Variants in PLAGL1 observed in about 807,000 individuals in gnomAD.
PLAGL1 encodes the protein zinc finger protein PLAGL1.
PLAGL1 carries 1 observed loss-of-function variant against 4.6 expected under a neutral mutation model. That is an observed-to-expected ratio of 0.22 (90% CI 0.08 to 1.03). The LOEUF (loss-of-function observed/expected upper bound fraction) is 1.03, where lower values mean the gene tolerates loss of function less well. PLAGL1 is among the 50% of genes least tolerant of loss of function. The pLI, the probability that PLAGL1 is intolerant of heterozygous loss-of-function variation, is 0.58. For synonymous variants in PLAGL1, 240 were observed against 237.8 expected (o/e 1.01, Z -0.08); for missense variants, 464 against 570.4 (o/e 0.81, Z 1.90).
intron 2 of PLAGL1, among the ~76,000 whole-genome samples, chr6:143,974,116 A>T (rs947769695): frequency 9.9e-5 from 15 of 152,236 alleles, no homozygotes; most frequent in Non-Finnish European, 4.4e-5. Flanking sequence ...TACACGGAAC[A>T]AATATAACTA....
At chr6:144,019,988 T>C (rs563156273) in intron 1 of PLAGL1, among the ~76,000 whole-genome samples, 4 of 152,284 alleles carry the variant, frequency 2.6e-5, no homozygotes, top group Admixed American at 2.6e-4. Context: ...ATTGAAATCA[T>C]AATCCCCAAT....
chr6:144,010,685 C>T (rs1310644071), upstream of PLAGL1, among the ~76,000 whole-genome samples: 1 of 152,190 alleles, frequency 6.6e-6, no homozygotes, highest in African/African-American at 2.4e-5. This position sits in a 1 kb window ranked among gnomAD's most constrained non-coding sequence, Gnocchi z 4.1. Flanking sequence ...GGAGGCATTA[C>T]ACTACCTGAC....
In PLAGL1 at chr6:143,979,414, A is replaced by G. The variant is rs1184663438; in HGVS notation, c.-544+5721T>C. 6.6e-6 allele frequency among the ~76,000 whole-genome samples: 1 copy of G among 152,010 alleles called. No homozygotes were observed. The highest frequency in any genetic ancestry group is 1.5e-5 in the Non-Finnish European group (1 of 67,920). On this transcript the variant is annotated intron_variant, in intron 2 of 7. Coordinates refer to ENST00000674357, the MANE Select transcript of PLAGL1 (RefSeq NM_001317162.2). The surrounding 1 kb of genome is among the most constrained non-coding windows in gnomAD (Gnocchi z 4.6). The stretch of plus-strand genomic sequence containing the variant: ...TGTTATTTGTTGTCTAATTGCCTCA[A>G]TTATTCTTTGTTCCTTTTCTTTCTT...
At chr6:144,035,642 A>T (rs373866902) in intron 1 of PLAGL1, among the ~76,000 whole-genome samples, 9 of 152,240 alleles carry the variant, frequency 5.9e-5, no homozygotes, top group African/African-American at 1.9e-4. Flanking sequence ...TCAAGTTGAC[A>T]TTCAATATTA....
intron 1 of PLAGL1, among the ~76,000 whole-genome samples, chr6:144,023,867 C>T (rs1796151125): frequency 6.8e-6 from 1 of 147,572 alleles, no homozygotes; most frequent in Admixed American, 6.9e-5. Context: ...ACCTCCGCCT[C>T]CCAGGCTCAA....
At position 144,056,960 on chromosome 6, in the gene PLAGL1, A is replaced by G. The variant is rs966754034; in HGVS notation, c.-151+7508T>C. 3.9e-5 allele frequency among the ~76,000 whole-genome samples: 6 copies of G among 152,108 alleles called. No individual in the cohort carries two copies. Among genetic ancestry groups the G allele is most frequent in the African/African-American group, 1.4e-4 (6 of 41,404 alleles). Reference sequence around the variant, plus strand: ...CTATGCCTGACTCTCATTTCTTTTTAGTGCTAAATAATGTCCCATTGGCTG... The same window carrying G: ...CTATGCCTGACTCTCATTTCTTTTTGGTGCTAAATAATGTCCCATTGGCTG... On this transcript the variant is annotated intron_variant, in intron 1 of 3. Coordinates refer to the PLAGL1 transcript ENST00000437412. The surrounding 1 kb of genome is among the most constrained non-coding windows in gnomAD (Gnocchi z 4.7).
At chr6:144,051,732 C>T (rs1319913557) in intron 1 of PLAGL1, among the ~76,000 whole-genome samples, 1 of 152,202 alleles carries the variant, frequency 6.6e-6, no homozygotes, top group African/African-American at 2.4e-5. Flanking sequence ...CAAGTCATGT[C>T]TTACATGAAT....
chr6:144,043,431 A>C (rs1351970012), intron 1 of PLAGL1, among the ~76,000 whole-genome samples: 3 of 152,210 alleles, frequency 2.0e-5, no homozygotes, highest in Non-Finnish European at 4.4e-5. Context: ...TATTGAGATA[A>C]TCACATGGTT....
At chr6:143,967,721 G>A (rs910299864) in intron 3 of PLAGL1, 9 of 152,090 alleles carry the variant, frequency 5.9e-5, no homozygotes, top group East Asian at 1.9e-4. Flanking sequence ...CCTTCTGAAC[G>A]TGTTGGTGGG....
chr6:144,041,966 C>A (rs1797773238), intron 1 of PLAGL1, among the ~76,000 whole-genome samples: 1 of 152,180 alleles, frequency 6.6e-6, no homozygotes, highest in South Asian at 2.1e-4. Flanking sequence ...TGTCTGTTGG[C>A]TGCATAAATG....
Position 144,004,746 on chromosome 6 carries a change from A to G in PLAGL1, c.-584+3344T>C, listed in dbSNP as rs1187649530. Reference sequence around the variant, plus strand: ...GAACTAAAAAACATATGTAGAATTCAACATGGATAAAAAATATATTAAATA... The same window carrying G: ...GAACTAAAAAACATATGTAGAATTCGACATGGATAAAAAATATATTAAATA... On this transcript the variant is annotated intron_variant, in intron 1 of 7. Coordinates refer to ENST00000674357, the MANE Select transcript of PLAGL1 (RefSeq NM_001317162.2). This position sits in a 1 kb window ranked among gnomAD's most constrained non-coding sequence, Gnocchi z 4.2. Among the ~76,000 whole-genome samples, 1 of 152,124 alleles carries G rather than the reference A, an allele frequency of 6.6e-6. No individual in the cohort carries two copies. Among genetic ancestry groups the G allele is most frequent in the Admixed American group, 6.5e-5 (1 of 15,274 alleles).
In PLAGL1 at chr6:143,947,985, CTCA is replaced by C; in HGVS notation, c.149_151del (p.Met50del). ...GCATACCTTTGCCAAAGCCTCTCAC[CTCA>C]TCAATTTATATCTGGAAACAAAGGC... On this transcript the variant is annotated inframe_deletion and splice_region_variant, in exon 7 of 8. Transcript: ENST00000674357. The surrounding 1 kb of genome is among the most constrained non-coding windows in gnomAD (Gnocchi z 4.3). 6.2e-7 allele frequency: 1 copy of C among 1,613,572 alleles called. No homozygotes were observed. Among genetic ancestry groups the C allele is most frequent in the Non-Finnish European group, 8.5e-7 (1 of 1,179,534 alleles).
chr6:144,051,149 T>C (rs374142225), intron 1 of PLAGL1, among the ~76,000 whole-genome samples: 174 of 152,312 alleles, frequency 1.1e-3, no homozygotes, highest in African/African-American at 4.1e-3. Flanking sequence ...ATCACCTCAA[T>C]TACGTACTTT....
At position 144,015,880 on chromosome 6, in the gene PLAGL1, AT is replaced by A. The variant is rs548185400; in HGVS notation, c.-150-46903del. Among the ~76,000 whole-genome samples, 32 of 152,308 alleles carry A rather than the reference AT, an allele frequency of 2.1e-4. No homozygotes were observed. In the East Asian group the frequency reaches 6.2e-3, roughly 29 times the overall value. On this transcript the variant is annotated intron_variant, in intron 1 of 3. Transcript: ENST00000437412. This position sits in a 1 kb window ranked among gnomAD's most constrained non-coding sequence, Gnocchi z 4.3. ...TGACCCAGCAATCTCAGTCTTAGGT[AT>A]TTTATCCAAGAGAAATGATAACATG...
intron 1 of PLAGL1, among the ~76,000 whole-genome samples, chr6:144,033,352 GA>G (rs2128709963): frequency 6.6e-6 from 1 of 152,330 alleles, no homozygotes; most frequent in East Asian, 1.9e-4. Context: ...GGCAGCAATA[GA>G]AAACTAATAT....
Position 144,055,273 on chromosome 6 carries a change from C to CT in PLAGL1, c.-151+9194dup, listed in dbSNP as rs978466292. 1.8e-4 allele frequency among the ~76,000 whole-genome samples: 27 copies of CT among 152,132 alleles called. No individual in the cohort carries two copies. Among genetic ancestry groups the CT allele is most frequent in the African/African-American group, 6.5e-4 (27 of 41,414 alleles). Reference sequence around the variant, plus strand: ...AGCTTACCGAGTGCTTAGTTCAACACTTTCATTTTACATATAAGGAAGCAG... The same window carrying CT: ...AGCTTACCGAGTGCTTAGTTCAACACTTTTCATTTTACATATAAGGAAGCAG... On this transcript the variant is annotated intron_variant, in intron 1 of 3. Coordinates refer to the PLAGL1 transcript ENST00000437412. The surrounding 1 kb of genome is among the most constrained non-coding windows in gnomAD (Gnocchi z 5.0).
intron 1 of PLAGL1, among the ~76,000 whole-genome samples, chr6:144,035,355 A>T (rs914402339): frequency 1.3e-5 from 2 of 152,220 alleles, no homozygotes; most frequent in African/African-American, 4.8e-5. Flanking sequence ...CACTGGTGTA[A>T]GTCCAAGAGT....
chr6:144,017,583 T>C (rs1795652809), intron 1 of PLAGL1, among the ~76,000 whole-genome samples: 1 of 152,228 alleles, frequency 6.6e-6, no homozygotes, highest in Admixed American at 6.5e-5. Flanking sequence ...AAGGGAGGAC[T>C]TTGGCACCTG....
In PLAGL1 at chr6:143,963,978, A is replaced by T. The variant is rs1278067736; in HGVS notation, c.-399+809T>A. ...TCTGAAGAAGTCTGTCTTTGTTAACAATATCTAAACCCAGAGAAGAAATTC... is the reference window on the plus strand; with the variant it reads ...TCTGAAGAAGTCTGTCTTTGTTAACTATATCTAAACCCAGAGAAGAAATTC... On this transcript the variant is annotated intron_variant, in intron 5 of 7. Coordinates refer to ENST00000674357, the MANE Select transcript of PLAGL1 (RefSeq NM_001317162.2). The surrounding 1 kb of genome is among the most constrained non-coding windows in gnomAD (Gnocchi z 6.1). Among the ~76,000 whole-genome samples the T allele has an allele frequency of 6.6e-6, 1 of 152,168 alleles. No individual in the cohort carries two copies. The highest frequency in any genetic ancestry group is 6.5e-5 in the Admixed American group (1 of 15,276).
Sources: allele counts gnomAD v4.1 joint callset (sites outside exome capture counted in the v4.1 genomes callset), GRCh38; gene constraint gnomAD v4.1.1; non-coding constraint Gnocchi (gnomAD v3.1); transcripts MANE v1.5; gene names NCBI Gene and HGNC (gene_info 2026-07-23, HGNC 2026-07-21).